Variants in SEMA6D observed in about 807,000 individuals in gnomAD.
SEMA6D encodes the protein semaphorin 6D, also known as semaphorin-6D.
A neutral mutation model predicts 106.6 loss-of-function variants in SEMA6D; 35 were observed. The observed-to-expected ratio is 0.33, with a 90% CI of 0.25 to 0.44. The LOEUF (loss-of-function observed/expected upper bound fraction) is 0.44. Ranked by LOEUF, SEMA6D falls within the 20% of genes least tolerant of loss-of-function variation. SEMA6D has a pLI of 1.00. For synonymous variants in SEMA6D, 499 were observed against 487.7 expected, an observed-to-expected ratio of 1.02 and a Z score of -0.31; for missense variants, 1,185 against 1,345.9, an observed-to-expected ratio of 0.88 and a Z score of 1.87.
intron 2 of SEMA6D, among the ~76,000 whole-genome samples, chr15:47,446,449 A>G (rs1274430973): frequency 2.0e-5 from 3 of 152,144 alleles, no homozygotes; most frequent in Non-Finnish European, 4.4e-5. Context: ...TAGAGAAATT[A>G]TGCATACAAT....
rs760015259 is a variant in SEMA6D at position 47,225,119 on chromosome 15, A to T, written c.-239+40701A>T. 1.4e-4 allele frequency among the ~76,000 whole-genome samples: 21 copies of T among 151,894 alleles called. 1 individual carries two copies. Among genetic ancestry groups the T allele is most frequent in the Admixed American group, 5.9e-4 (9 of 15,194 alleles). ...TCTGCCCTTTATCACTGGGAATGTC[A>T]CCAACTCTGGAGACTTGAGGAAGAA... is the stretch of plus-strand genomic sequence containing the variant. On this transcript the variant is annotated intron_variant, in intron 1 of 19. Transcript: ENST00000558014.
At chr15:47,656,252 G>C (rs2077791498) in intron 4 of SEMA6D, among the ~76,000 whole-genome samples, 1 of 152,164 alleles carries the variant, frequency 6.6e-6, no homozygotes, top group African/African-American at 2.4e-5. Context: ...ACAAGGTTAT[G>C]TATTGATCTG....
At chr15:47,326,937 GA>G (rs1325800625) in intron 1 of SEMA6D, among the ~76,000 whole-genome samples, 1 of 152,180 alleles carries the variant, frequency 6.6e-6, no homozygotes, top group Non-Finnish European at 1.5e-5. Context: ...TGGACATCTG[GA>G]AGTGCCATTT....
intron 4 of SEMA6D, among the ~76,000 whole-genome samples, chr15:47,624,305 T>C (rs1021485250): frequency 6.6e-6 from 1 of 152,210 alleles, no homozygotes; most frequent in Non-Finnish European, 1.5e-5. Context: ...GCCCATATGC[T>C]CACACTTATT....
At chr15:47,410,895 A>G (rs554553850) in intron 1 of SEMA6D, among the ~76,000 whole-genome samples, 2 of 152,316 alleles carry the variant, frequency 1.3e-5, no homozygotes, top group East Asian at 3.9e-4. Context: ...AAATGGTGAA[A>G]TAATGCAAGA....
intron 3 of SEMA6D, among the ~76,000 whole-genome samples, chr15:47,543,336 GT>G (rs1048643329): frequency 2.0e-5 from 3 of 152,012 alleles, no homozygotes; most frequent in African/African-American, 4.8e-5. Flanking sequence ...CATGGGGGTG[GT>G]TTCCCCCCAT....
chr15:47,448,754 T>A (rs2042101140), intron 2 of SEMA6D, among the ~76,000 whole-genome samples: 1 of 152,068 alleles, frequency 6.6e-6, no homozygotes, highest in Admixed American at 6.6e-5. Flanking sequence ...GGACCTGTTC[T>A]GCTTGTAGAA....
intron 1 of SEMA6D, among the ~76,000 whole-genome samples, chr15:47,363,899 G>A (rs2038909632): frequency 6.6e-6 from 1 of 152,108 alleles, no homozygotes; most frequent in South Asian, 2.1e-4. Flanking sequence ...TTTACAAGGT[G>A]GCAAGAGAGA....
At chr15:47,765,162 A>G in intron 13 of SEMA6D, 106 bp downstream of exon 13, 1 of 1,490,786 alleles carries the variant, frequency 6.7e-7, no homozygotes, top group Non-Finnish European at 8.9e-7. Context: ...GTGGTTTGGC[A>G]TAATAGTGTT....
intron 1 of SEMA6D, among the ~76,000 whole-genome samples, chr15:47,319,780 A>G (rs1445300865): frequency 6.6e-6 from 1 of 152,042 alleles, no homozygotes. Context: ...ATTTTTTAAT[A>G]TTTACTATAG....
intron 3 of SEMA6D, among the ~76,000 whole-genome samples, chr15:47,530,540 A>T (rs554623039): frequency 2.0e-5 from 3 of 152,194 alleles, no homozygotes; most frequent in Non-Finnish European, 1.5e-5. Context: ...TCTTTGACAT[A>T]GTTTTTTTGC....
intron 3 of SEMA6D, among the ~76,000 whole-genome samples, chr15:47,563,775 A>G (rs1273893646): frequency 1.3e-5 from 2 of 152,204 alleles, no homozygotes; most frequent in Non-Finnish European, 2.9e-5. Flanking sequence ...TGTTTAACCA[A>G]TACTTACAAA....
At chr15:47,577,985 TG>T (rs2076185996) in intron 3 of SEMA6D, among the ~76,000 whole-genome samples, 1 of 152,264 alleles carries the variant, frequency 6.6e-6, no homozygotes, top group African/African-American at 2.4e-5. Flanking sequence ...GCTTAATTTG[TG>T]GAGACCTTTA....
chr15:47,294,580 G>A (rs998101687), intron 1 of SEMA6D, among the ~76,000 whole-genome samples: 9 of 152,066 alleles, frequency 5.9e-5, no homozygotes, highest in South Asian at 2.1e-4. Flanking sequence ...AAGCGTTTCC[G>A]TGTTCTCATT....
At chr15:47,281,220 G>A (rs1412835266) in intron 1 of SEMA6D, among the ~76,000 whole-genome samples, 2 of 132,462 alleles carry the variant, frequency 1.5e-5, no homozygotes, top group African/African-American at 5.6e-5. Flanking sequence ...TCCTGTATTG[G>A]GTGCATATAT....
At chr15:47,678,838 C>T (rs2078294100) in intron 4 of SEMA6D, among the ~76,000 whole-genome samples, 2 of 151,952 alleles carry the variant, frequency 1.3e-5, no homozygotes, top group Non-Finnish European at 2.9e-5. Context: ...ATTTGATCTT[C>T]ACATAGTGTT....
chr15:47,656,089 A>T (rs1178657548), intron 4 of SEMA6D, among the ~76,000 whole-genome samples: 1 of 152,260 alleles, frequency 6.6e-6, no homozygotes, highest in African/African-American at 2.4e-5. Flanking sequence ...GTTCCTAAAC[A>T]CAAGAAGGCT....
intron 2 of SEMA6D, among the ~76,000 whole-genome samples, chr15:47,463,935 C>T (rs1032225305): frequency 1.3e-5 from 2 of 152,150 alleles, no homozygotes; most frequent in African/African-American, 2.4e-5. Context: ...ACCTCCTCTC[C>T]TGTATGTCTT....
rs55729331 is a variant in SEMA6D, at chr15:47,205,592, G to T, written c.-239+21174G>T. Reference sequence around the variant, plus strand: ...AAAAATGATTACTATCAAATATAGGGAGGTTCTGGTAAAAAATGCTGTGTA... The same window carrying T: ...AAAAATGATTACTATCAAATATAGGTAGGTTCTGGTAAAAAATGCTGTGTA... On this transcript the variant is annotated intron_variant, in intron 1 of 19. Transcript: ENST00000558014. Among the ~76,000 whole-genome samples, 918 of 152,234 alleles carry T rather than the reference G, an allele frequency of 6.0e-3. 5 individuals carry two copies. Among genetic ancestry groups the T allele is most frequent in the Non-Finnish European group, 9.8e-3 (665 of 68,010 alleles).
Sources: gnomAD v4.1 joint callset for allele counts (sites outside exome capture counted in the v4.1 genomes callset) on GRCh38, gnomAD v4.1.1 for gene constraint, MANE v1.5 for transcripts, NCBI Gene and HGNC (gene_info 2026-07-23, HGNC 2026-07-21) for gene names.